Variants in KHDRBS2 observed in about 807,000 individuals in gnomAD.
KHDRBS2 encodes the protein KH RNA binding domain containing, signal transduction associated 2, also known as KH domain-containing, RNA-binding, signal transduction-associated protein 2.
In KHDRBS2, 26 loss-of-function variants were observed where a neutral mutation model predicts 44.3. That is an observed-to-expected ratio of 0.59 (90% CI 0.43 to 0.81). The LOEUF is 0.81. Ranked by LOEUF, KHDRBS2 falls within the 40% of genes least tolerant of loss-of-function variation. The pLI, the probability that KHDRBS2 is intolerant of heterozygous loss-of-function variation, is 0.00. For missense variants in KHDRBS2, 476 were observed against 433.1 expected, an observed-to-expected ratio of 1.10 and a Z score of -0.88; for synonymous variants, 194 against 151.1, an observed-to-expected ratio of 1.28 and a Z score of -2.08.
chr6:61,562,142 G>A, the KHDRBS2 span, among the ~76,000 whole-genome samples: 3 of 152,070 alleles, frequency 2.0e-5, no homozygotes, highest in African/African-American at 7.2e-5. Flanking sequence ...TATATGTAGG[G>A]CAAAAATATC....
intron 1 of KHDRBS2, among the ~76,000 whole-genome samples, chr6:62,273,173 A>T (rs1840356285): frequency 6.6e-6 from 1 of 152,174 alleles, no homozygotes; most frequent in African/African-American, 2.4e-5. Context: ...TAAATCACAC[A>T]AAATTGCTAT....
At chr6:62,089,990 A>T (rs1799197623) in intron 2 of KHDRBS2, among the ~76,000 whole-genome samples, 1 of 152,160 alleles carries the variant, frequency 6.6e-6, no homozygotes, top group Non-Finnish European at 1.5e-5. Context: ...GCGTCCACAC[A>T]GGCGAAAATG....
intron 6 of KHDRBS2, among the ~76,000 whole-genome samples, chr6:61,840,373 A>C (rs1343784097): frequency 2.6e-5 from 4 of 152,180 alleles, no homozygotes; most frequent in African/African-American, 7.2e-5. Flanking sequence ...TAGTACCTTT[A>C]GAAAACAGCA....
intron 1 of KHDRBS2, among the ~76,000 whole-genome samples, chr6:62,179,730 T>G (rs1821873334): frequency 4.6e-5 from 7 of 151,810 alleles, no homozygotes. Context: ...TACCTTAGGC[T>G]TTTTTAGACA....
chr6:61,691,672 A>G (rs191024466), intron 8 of KHDRBS2, among the ~76,000 whole-genome samples: 14 of 152,184 alleles, frequency 9.2e-5, no homozygotes, highest in Non-Finnish European at 1.5e-4. Context: ...TATTCTATTT[A>G]CTATTAAAAA....
intron 1 of KHDRBS2, among the ~76,000 whole-genome samples, chr6:62,180,109 C>G (rs1322855390): frequency 6.6e-6 from 1 of 151,790 alleles, no homozygotes; most frequent in Non-Finnish European, 1.5e-5. Flanking sequence ...AACAGAAAAC[C>G]AAACACTACA....
At chr6:61,821,022 C>T (rs915664164) in intron 6 of KHDRBS2, among the ~76,000 whole-genome samples, 6 of 151,964 alleles carry the variant, frequency 3.9e-5, no homozygotes, top group African/African-American at 7.2e-5. Context: ...AAATCTGTAT[C>T]GAATGACTAT....
chr6:62,071,702 C>A (rs1795140960), intron 2 of KHDRBS2, among the ~76,000 whole-genome samples: 1 of 152,080 alleles, frequency 6.6e-6, no homozygotes, highest in Admixed American at 6.6e-5. Context: ...TGGTCTATAT[C>A]TCTGTTTTGG....
intron 3 of KHDRBS2, among the ~76,000 whole-genome samples, chr6:62,010,482 G>A (rs138385423): frequency 2.2e-4 from 34 of 152,258 alleles, no homozygotes; most frequent in African/African-American, 7.5e-4. Flanking sequence ...GTTTTGAAAT[G>A]TGAGGACATG....
intron 6 of KHDRBS2, among the ~76,000 whole-genome samples, chr6:61,848,762 C>T (rs1795021555): frequency 1.3e-5 from 2 of 149,760 alleles, no homozygotes; most frequent in South Asian, 4.2e-4. Context: ...ATGATATTTA[C>T]CATAATAATT....
At chr6:61,687,026 A>G (rs1582159739) in intron 8 of KHDRBS2, among the ~76,000 whole-genome samples, 2 of 151,722 alleles carry the variant, frequency 1.3e-5, no homozygotes, top group African/African-American at 4.8e-5. Context: ...AGCATTTTAA[A>G]ATATTAATGG....
intron 2 of KHDRBS2, among the ~76,000 whole-genome samples, chr6:62,139,521 C>G (rs892556978): frequency 1.3e-5 from 2 of 149,966 alleles, no homozygotes; most frequent in Non-Finnish European, 2.9e-5. Flanking sequence ...CCACTACACT[C>G]CAGCCTGGGT....
At chr6:62,225,074 G>A (rs1831531797) in intron 1 of KHDRBS2, among the ~76,000 whole-genome samples, 1 of 152,104 alleles carries the variant, frequency 6.6e-6, no homozygotes, top group South Asian at 2.1e-4. Flanking sequence ...CATAACTGAG[G>A]AAGGTGCTAC....
chr6:62,074,703 C>G (rs1163763707), intron 2 of KHDRBS2, among the ~76,000 whole-genome samples: 1 of 151,892 alleles, frequency 6.6e-6, no homozygotes, highest in East Asian at 1.9e-4. Flanking sequence ...CTTTATCACA[C>G]ATTCTTAGTC....
rs990020949 is a variant in KHDRBS2, at chr6:62,064,328, T to C, written c.220-16334A>G. ...AAAAGAGCCCACATCGCCAAGTCAA[T>C]CCTAAGCCAAAAGAACAAAGCTGGA... On this transcript the variant is annotated intron_variant, in intron 2 of 8. Transcript: ENST00000281156. Among the ~76,000 whole-genome samples, 1,038 of 149,210 alleles carry C rather than the reference T, an allele frequency of 7.0e-3. 11 individuals carry two copies. The highest frequency in any genetic ancestry group is 0.024 in the African/African-American group (979 of 40,606).
At chr6:62,034,346 C>T (rs1432462249) in intron 3 of KHDRBS2, among the ~76,000 whole-genome samples, 1 of 151,752 alleles carries the variant, frequency 6.6e-6, no homozygotes, top group Non-Finnish European at 1.5e-5. Flanking sequence ...TACCCTGATA[C>T]CAAAACCAAA....
intron 4 of KHDRBS2, among the ~76,000 whole-genome samples, chr6:61,926,574 C>A (rs1809011867): frequency 6.6e-6 from 1 of 152,030 alleles, no homozygotes; most frequent in South Asian, 2.1e-4. Flanking sequence ...GTGTTCAAGT[C>A]CAAATCATAG....
intron 4 of KHDRBS2, among the ~76,000 whole-genome samples, chr6:61,921,590 A>T (rs1322636036): frequency 2.6e-5 from 4 of 152,056 alleles, no homozygotes; most frequent in Non-Finnish European, 4.4e-5. Flanking sequence ...TTATCTTTTT[A>T]TGACACATCT....
rs1822912633 is a variant in KHDRBS2 at position 62,183,992 on chromosome 6, T to C, written c.92-6680A>G. ...ATCACCAAGTAAAGTTTATACCACT[T>C]TTTTCCACTCTGAAATTATGCTTTT... On this transcript the variant is annotated intron_variant, in intron 1 of 8. Transcript: ENST00000281156. Among the ~76,000 whole-genome samples, 4 of 151,862 alleles carry C rather than the reference T, an allele frequency of 2.6e-5. No individual in the cohort carries two copies. The South Asian group carries it at 8.3e-4, about 32-fold the overall frequency.
Sources: gnomAD v4.1 joint callset for allele counts (sites outside exome capture counted in the v4.1 genomes callset) on GRCh38, gnomAD v4.1.1 for gene constraint, MANE v1.5 for transcripts, NCBI Gene and HGNC (gene_info 2026-07-23, HGNC 2026-07-21) for gene names.